The following ST3GAL1 variants were observed in gnomAD, a reference collection of about 807,000 sequenced individuals.
The protein encoded by ST3GAL1 is CMP-N-acetylneuraminate-beta-galactosamide-alpha-2,3-sialyltransferase 1.
Under a neutral mutation model 34.1 loss-of-function variants are expected in ST3GAL1, and 16 were observed. The ratio of observed to expected loss-of-function variants is 0.47; its 90% CI spans 0.32 to 0.71. The LOEUF (loss-of-function observed/expected upper bound fraction) is 0.71. Among genes scored for constraint, ST3GAL1 ranks in the 30% least tolerant of loss-of-function variants. The pLI is 0.04. For synonymous variants in ST3GAL1, 191 were observed against 184.7 expected (o/e 1.03, Z -0.28); for missense variants, 353 against 447.4 (o/e 0.79, Z 1.90).
intron 5 of ST3GAL1, among the ~76,000 whole-genome samples, chr8:133,470,688 G>A (rs1406794678): frequency 6.6e-6 from 1 of 152,190 alleles, no homozygotes; most frequent in Non-Finnish European, 1.5e-5. Context: ...GGAGAGGGAT[G>A]AGAAGCAAGG....
chr8:133,560,909 G>C (rs886579577), intron 1 of ST3GAL1, among the ~76,000 whole-genome samples: 2 of 152,124 alleles, frequency 1.3e-5, no homozygotes, highest in Non-Finnish European at 2.9e-5. Context: ...TTTACAGAGA[G>C]TCACTGTAAA....
At chr8:133,568,727 CT>C (rs923666346) in intron 1 of ST3GAL1, among the ~76,000 whole-genome samples, 1 of 152,116 alleles carries the variant, frequency 6.6e-6, no homozygotes, top group African/African-American at 2.4e-5. Context: ...GACCAGAAGC[CT>C]CAGAGTCACA....
chr8:133,487,495 A>T (rs1420559967), intron 3 of ST3GAL1, among the ~76,000 whole-genome samples: 3 of 152,210 alleles, frequency 2.0e-5, no homozygotes, highest in Admixed American at 2.0e-4. Context: ...TTTCACACCT[A>T]CTACATGCAG....
At chr8:133,544,418 T>C (rs1448395956) in intron 2 of ST3GAL1, among the ~76,000 whole-genome samples, 3 of 152,354 alleles carry the variant, frequency 2.0e-5, no homozygotes, top group Non-Finnish European at 1.5e-5. Flanking sequence ...CCAAGCATCA[T>C]TACTTTGTTC....
Position 133,539,063 on chromosome 8 carries a change from C to T in ST3GAL1, c.-429+6711G>A, listed in dbSNP as rs975411947. Among the ~76,000 whole-genome samples, 6 of 152,158 alleles carry T rather than the reference C, an allele frequency of 3.9e-5. No individual in the cohort carries two copies. In the South Asian group the frequency reaches 6.2e-4, roughly 16 times the overall value. ...GGCGTAAGGGCCACAGCCAGCCCTG[C>T]GAGAGTGCTCACAAACACTCCCCCA... On this transcript the variant is annotated intron_variant, in intron 2 of 9. Transcript: ENST00000522652.
chr8:133,561,296 T>A (rs1045909893), intron 1 of ST3GAL1, among the ~76,000 whole-genome samples: 1 of 151,980 alleles, frequency 6.6e-6, no homozygotes, highest in African/African-American at 2.4e-5. Context: ...ACATGCACAA[T>A]AACTAAACAA....
intron 1 of ST3GAL1, among the ~76,000 whole-genome samples, chr8:133,560,436 C>A (rs1247730332): frequency 6.6e-6 from 1 of 152,244 alleles, no homozygotes; most frequent in Non-Finnish European, 1.5e-5. Flanking sequence ...CACGGACTCA[C>A]CCAGTGATGG....
chr8:133,540,680 G>T (rs1354414411), intron 2 of ST3GAL1, among the ~76,000 whole-genome samples: 1 of 146,650 alleles, frequency 6.8e-6, no homozygotes, highest in Non-Finnish European at 1.5e-5. Context: ...GGGACCCCCT[G>T]CCCCTGCCCA....
At chr8:133,569,155 C>T (rs1471535032) in intron 1 of ST3GAL1, among the ~76,000 whole-genome samples, 1 of 152,174 alleles carries the variant, frequency 6.6e-6, no homozygotes, top group African/African-American at 2.4e-5. Context: ...GGGAGGTAGG[C>T]AACAAAGGCC....
chr8:133,463,403 C>T lies in ST3GAL1; in HGVS notation c.729+11G>A. ...TGAACTTAGAACAGAGGGGCCGGGG[C>T]CTCCACTCACCTTATCCTGTTTCAC... is the stretch of plus-strand genomic sequence containing the variant. On this transcript the variant is annotated intron_variant, in intron 8 of 9. Transcript: ENST00000522652. The T allele has an allele frequency of 2.5e-6, 4 of 1,613,890 alleles. No homozygotes were observed. The highest frequency in any genetic ancestry group is 1.1e-5 in the South Asian group (1 of 90,938).
At position 133,514,533 on chromosome 8, in the gene ST3GAL1, G is replaced by A. The variant is rs370159568; in HGVS notation, c.-428-15344C>T. Among the ~76,000 whole-genome samples, 8 of 152,248 alleles carry A rather than the reference G, an allele frequency of 5.3e-5. No homozygotes were observed. The East Asian group carries it at 1.5e-3, about 29-fold the overall frequency. ...CTGTGCTCCCATCTTACAGCCGCCA[G>A]TCCTTTCCTGGGGAGCACCTCTCCT... is the stretch of plus-strand genomic sequence containing the variant. On this transcript the variant is annotated intron_variant, in intron 2 of 9. Transcript: ENST00000522652.
At chr8:133,525,773 G>A (rs1187764903) in intron 2 of ST3GAL1, among the ~76,000 whole-genome samples, 1 of 152,212 alleles carries the variant, frequency 6.6e-6, no homozygotes, top group Non-Finnish European at 1.5e-5. Flanking sequence ...GGTTGCGACA[G>A]CACCCAGGCT....
chr8:133,500,596 T>C (rs1817119200), intron 2 of ST3GAL1, among the ~76,000 whole-genome samples: 2 of 152,188 alleles, frequency 1.3e-5, no homozygotes, highest in African/African-American at 4.8e-5. Context: ...CTCAGCCCTG[T>C]CATTCACTGG....
At chr8:133,541,120 T>TATATATAGAGAGAGAGAGAGAG (rs71299078) in intron 2 of ST3GAL1, among the ~76,000 whole-genome samples, 1 of 48,628 alleles carries the variant, frequency 2.1e-5, no homozygotes, top group Non-Finnish European at 3.7e-5. Flanking sequence ...TATATATATA[T>TATATATAGAGAGAGAGAGAGAG]AGAGAGAGAG....
chr8:133,473,809 A>G (rs2130939707), intron 5 of ST3GAL1, among the ~76,000 whole-genome samples: 1 of 152,314 alleles, frequency 6.6e-6, no homozygotes, highest in Middle Eastern at 3.4e-3. Context: ...GCTGCTAAAC[A>G]TCCTGCAATG....
chr8:133,531,652 G>A (rs1431038309), intron 2 of ST3GAL1, among the ~76,000 whole-genome samples: 3 of 151,862 alleles, frequency 2.0e-5, no homozygotes, highest in African/African-American at 7.3e-5. Context: ...CACACACCAG[G>A]GCCAGTCAGG....
intron 3 of ST3GAL1, among the ~76,000 whole-genome samples, chr8:133,486,058 A>G (rs1816579766): frequency 6.6e-6 from 1 of 152,190 alleles, no homozygotes; most frequent in African/African-American, 2.4e-5. Context: ...CAAGCTCCCG[A>G]TGAAGGTACT....
intron 3 of ST3GAL1, among the ~76,000 whole-genome samples, chr8:133,490,465 C>G (rs893692941): frequency 6.6e-6 from 1 of 152,226 alleles, no homozygotes; most frequent in Non-Finnish European, 1.5e-5. Context: ...TCAGGAGGAA[C>G]CAGTGCCTCC....
chr8:133,464,860 T>C lies in ST3GAL1; in HGVS notation c.601A>G (p.Asn201Asp), dbSNP rs752547740. ...AAGGGCACCAGGATCATGCTGACAT[T>C]ATCTCCCAGCTCCCGGAAGCTCTCA... is the stretch of plus-strand genomic sequence containing the variant. ...YPESFRELGD[N>D]VSMILVPFKT... Residue 201 changes from asparagine (N) to aspartate (D), a missense_variant, in exon 7 of 10, where the codon AAT becomes GAT. By Grantham distance (23) the Asn-to-Asp change is conservative. Coordinates refer to ENST00000522652, the MANE Select transcript of ST3GAL1 (RefSeq NM_173344.3). 3.2e-5 allele frequency: 52 copies of C among 1,613,954 alleles called. No individual in the cohort carries two copies. The highest frequency in any genetic ancestry group is 4.2e-5 in the Non-Finnish European group (50 of 1,179,982).
Sources: allele counts gnomAD v4.1 joint callset (sites outside exome capture counted in the v4.1 genomes callset), GRCh38; gene constraint gnomAD v4.1.1; transcripts MANE v1.5; gene names NCBI Gene and HGNC (gene_info 2026-07-23, HGNC 2026-07-21).